PRMT3: variants seen among roughly 807,000 people sequenced by gnomAD.
The protein encoded by PRMT3 is protein arginine N-methyltransferase 3.
Under a neutral mutation model 71.9 loss-of-function variants are expected in PRMT3, and 62 were observed. The ratio of observed to expected loss-of-function variants is 0.86; its 90% CI spans 0.70 to 1.07. PRMT3 has a LOEUF of 1.07. PRMT3 is among the 50% of genes least tolerant of loss of function. The pLI, the probability that PRMT3 is intolerant of heterozygous loss-of-function variation, is 0.00. For missense variants in PRMT3, 663 were observed against 643.0 expected, an observed-to-expected ratio of 1.03 and a Z score of -0.34; for synonymous variants, 213 against 220.4, an observed-to-expected ratio of 0.97 and a Z score of 0.30.
At chr11:20,493,836 G>C in intron 13 of PRMT3, 83 bp from the exon 14 acceptor site, 1 of 904,190 alleles carries the variant, frequency 1.1e-6, no homozygotes, top group Non-Finnish European at 1.7e-6. Context: ...TTTATCATTT[G>C]CCATGTCTTA....
chr11:20,449,746 TAAA>T (rs1850108067), intron 10 of PRMT3, among the ~76,000 whole-genome samples: 1 of 152,014 alleles, frequency 6.6e-6, no homozygotes, highest in African/African-American at 2.4e-5. Context: ...ACCACAAAAA[TAAA>T]AAGCAGTTTC....
At chr11:20,421,268 G>A (rs1849419463) in intron 9 of PRMT3, among the ~76,000 whole-genome samples, 1 of 152,042 alleles carries the variant, frequency 6.6e-6, no homozygotes, top group Admixed American at 6.6e-5. Context: ...GAACTCTTGG[G>A]CTCAAGCAAT....
intron 13 of PRMT3, among the ~76,000 whole-genome samples, chr11:20,474,622 G>A (rs1411327085): frequency 6.6e-6 from 1 of 152,236 alleles, no homozygotes; most frequent in Non-Finnish European, 1.5e-5. Flanking sequence ...ATCCATGGGA[G>A]AGGTGTGGTT....
chr11:20,412,813 T>C (rs1449708849), intron 9 of PRMT3, among the ~76,000 whole-genome samples: 1 of 152,156 alleles, frequency 6.6e-6, no homozygotes, highest in African/African-American at 2.4e-5. Context: ...TTATACCTAT[T>C]ATAAGAGATT....
At chr11:20,448,889 T>C (rs1013737483) in intron 10 of PRMT3, among the ~76,000 whole-genome samples, 5 of 152,142 alleles carry the variant, frequency 3.3e-5, no homozygotes, top group African/African-American at 1.2e-4. Context: ...GGAGAAAATA[T>C]CAGGCGTAAT....
chr11:20,410,939 C>G (rs1488251742), intron 9 of PRMT3, among the ~76,000 whole-genome samples: 1 of 152,122 alleles, frequency 6.6e-6, no homozygotes, highest in Non-Finnish European at 1.5e-5. Flanking sequence ...CCTCCCTTCT[C>G]ATCTTTAGAT....
chr11:20,415,544 T>C (rs1399265334), intron 9 of PRMT3, among the ~76,000 whole-genome samples: 1 of 138,722 alleles, frequency 7.2e-6, no homozygotes, highest in Non-Finnish European at 1.6e-5. Context: ...CTTTTTCCAC[T>C]AGTTATACAA....
intron 13 of PRMT3, among the ~76,000 whole-genome samples, chr11:20,484,615 C>T (rs549571463): frequency 2.0e-5 from 3 of 152,298 alleles, no homozygotes; most frequent in Admixed American, 6.5e-5. Context: ...TGACTTGCTC[C>T]TCTTTGCCTT....
chr11:20,451,215 A>G (rs1850141005), intron 10 of PRMT3, among the ~76,000 whole-genome samples: 1 of 151,930 alleles, frequency 6.6e-6, no homozygotes, highest in East Asian at 1.9e-4. Context: ...TCATTATCAT[A>G]CTCTAAAATC....
intron 7 of PRMT3, among the ~76,000 whole-genome samples, chr11:20,400,493 G>T (rs1205949596): frequency 6.6e-6 from 1 of 151,938 alleles, no homozygotes; most frequent in Non-Finnish European, 1.5e-5. Context: ...GAAATGCATC[G>T]GTCTTCTTTG....
At chr11:20,391,528 C>T (rs1054926602) in intron 3 of PRMT3, among the ~76,000 whole-genome samples, 1 of 152,184 alleles carries the variant, frequency 6.6e-6, no homozygotes, top group Non-Finnish European at 1.5e-5. Context: ...CAGGCATGAG[C>T]CACTGTGCCC....
At chr11:20,398,846 T>A (rs1014845019) in intron 7 of PRMT3, among the ~76,000 whole-genome samples, 3 of 152,214 alleles carry the variant, frequency 2.0e-5, no homozygotes, top group Non-Finnish European at 2.9e-5. Flanking sequence ...TGTGAAGTAT[T>A]CTCTATGATG....
chr11:20,408,746 TC>T (rs1849127593), intron 9 of PRMT3, among the ~76,000 whole-genome samples: 1 of 152,210 alleles, frequency 6.6e-6, no homozygotes, highest in African/African-American at 2.4e-5. Flanking sequence ...AGGAGGCTTC[TC>T]ATAGCAACTT....
intron 9 of PRMT3, among the ~76,000 whole-genome samples, chr11:20,416,173 T>C (rs944304436): frequency 1.3e-5 from 2 of 152,108 alleles, no homozygotes; most frequent in African/African-American, 4.8e-5. Context: ...CTCCCACCAC[T>C]CTCTGTCATC....
chr11:20,416,295 AG>A (rs1170210888), intron 9 of PRMT3, among the ~76,000 whole-genome samples: 1 of 152,150 alleles, frequency 6.6e-6, no homozygotes, highest in Non-Finnish European at 1.5e-5. Flanking sequence ...GACATAAAAG[AG>A]GGTAAATTAC....
At chr11:20,443,566 G>T (rs188494034) in intron 10 of PRMT3, among the ~76,000 whole-genome samples, 1 of 152,274 alleles carries the variant, frequency 6.6e-6, no homozygotes, top group African/African-American at 2.4e-5. Flanking sequence ...AATTGTAATA[G>T]ATATTCGTTG....
intron 10 of PRMT3, among the ~76,000 whole-genome samples, chr11:20,444,277 G>C (rs898545055): frequency 3.9e-5 from 6 of 152,234 alleles, no homozygotes; most frequent in Non-Finnish European, 8.8e-5. Flanking sequence ...AAACATGTAT[G>C]TATATTTCTT....
At chr11:20,396,007 A>C (rs1249819823) in intron 6 of PRMT3, 45 bp downstream of exon 6, 28 of 1,580,130 alleles carry the variant, frequency 1.8e-5, no homozygotes, top group Non-Finnish European at 2.2e-5. Flanking sequence ...GATCTCCAGA[A>C]TAATACAACC....
At position 20,434,489 on chromosome 11, in the gene PRMT3, C is replaced by T. The variant is rs536974762; in HGVS notation, c.993+7624C>T. Among the ~76,000 whole-genome samples the T allele has an allele frequency of 5.9e-5, 9 of 152,128 alleles. No individual in the cohort carries two copies. The South Asian group carries it at 6.2e-4, about 11-fold the overall frequency. ...GGATGGTATTGCCTAGGTTGTCTTT[C>T]GGGGTTTTTATAGTTTTGGGTTTTA... On this transcript the variant is annotated intron_variant, in intron 10 of 15. Coordinates refer to ENST00000331079, the MANE Select transcript of PRMT3 (RefSeq NM_005788.4).
Sources: gnomAD v4.1 joint callset for allele counts (sites outside exome capture counted in the v4.1 genomes callset) on GRCh38, gnomAD v4.1.1 for gene constraint, MANE v1.5 for transcripts, NCBI Gene and HGNC (gene_info 2026-07-23, HGNC 2026-07-21) for gene names.